Variants in ZNF19 observed in about 807,000 individuals in gnomAD.
ZNF19 encodes zinc finger protein 19 (KOX 12).
In ZNF19, 11 loss-of-function variants were observed where a neutral mutation model predicts 13.1. That is an observed-to-expected ratio of 0.84 (90% CI 0.53 to 1.39). The LOEUF (loss-of-function observed/expected upper bound fraction) is 1.39, where lower values mean the gene tolerates loss of function less well. Among genes scored for constraint, ZNF19 ranks in the 40% most tolerant of loss-of-function variants. The pLI is 0.00. For missense variants in ZNF19, 560 were observed against 547.0 expected, an observed-to-expected ratio of 1.02 and a Z score of -0.24; for synonymous variants, 186 against 187.0, an observed-to-expected ratio of 0.99 and a Z score of 0.04.
At position 71,475,994 on chromosome 16, in the gene ZNF19, C is replaced by T; in HGVS notation, c.553G>A (p.Gly185Arg). ...TCACTACACTCAAAAGGTTTCTCCC[C>T]AGTGTGGATTCTCTGGTGTCTAGCA... Reference protein sequence around the residue: ...YYARHQRIHTGEKPFECSECG... With the variant: ...YYARHQRIHTREKPFECSECG... Residue 185 changes from glycine to arginine, a missense_variant, in exon 6 of 6, where the codon GGG becomes AGG. Physicochemically the swap from Gly to Arg is moderately radical, Grantham distance 125. Transcript: ENST00000288177. 1.2e-6 allele frequency: 2 copies of T among 1,614,212 alleles called. No individual in the cohort carries two copies. The highest frequency in any genetic ancestry group is 1.1e-5 in the South Asian group (1 of 91,078).
At position 71,476,164 on chromosome 16, in the gene ZNF19, T is replaced by C; in HGVS notation, c.383A>G (p.Asp128Gly). The change falls in exon 6 of 6, where the codon GAC (aspartate) becomes GGC (glycine). Residue 128 changes from aspartate (D) to glycine (G), a missense_variant. Transcript: ENST00000288177. ...GQLKSVPQRT[D>G]FPETRNVEKH... ...TTCCACATTACGTGTTTCTGGGAAG[T>C]CAGTTCTCTGAGGGACACTCTTCAG... 6.2e-7 allele frequency: 1 copy of C among 1,614,198 alleles called. No individual in the cohort carries two copies. The highest frequency in any genetic ancestry group is 1.7e-5 in the Admixed American group (1 of 60,028).
intron 1 of ZNF19, among the ~76,000 whole-genome samples, chr16:71,488,242 C>G (rs1456081268): frequency 1.3e-5 from 2 of 151,864 alleles, no homozygotes; most frequent in African/African-American, 4.8e-5. Context: ...TGCCTGTAAT[C>G]CCAGCTACTC....
rs2043614852 is a variant in ZNF19, at chr16:71,478,310, T to C, written c.192A>G (p.Ser64=). 6.2e-7 allele frequency: 1 copy of C among 1,613,394 alleles called. No homozygotes were observed. The highest frequency in any genetic ancestry group is 1.7e-5 in the Admixed American group (1 of 59,986). The change falls in exon 5 of 6, where the codon TCA becomes TCG. Residue 64 remains serine, a synonymous_variant. Transcript: ENST00000288177. ...GYPVPKPALI[S]LLERGDMAWG... ...AAGCCATGTCCCCTCTCTCCAAAAGTGAGATCAGTGCAGGTTTGGGAACTG... is the reference window on the plus strand; with the variant it reads ...AAGCCATGTCCCCTCTCTCCAAAAGCGAGATCAGTGCAGGTTTGGGAACTG...
chr16:71,479,137 T>A, intron 3 of ZNF19, 132 bp from the exon 4 acceptor site: 1 of 1,196,910 alleles, frequency 8.4e-7, no homozygotes, highest in Non-Finnish European at 1.2e-6. Flanking sequence ...GTGACAGAAC[T>A]GGATATTAGA....
rs1263758493 is a variant in ZNF19, at chr16:71,479,010, A to G, written c.34-5T>C. 2 of 1,614,122 alleles carry G rather than the reference A, an allele frequency of 1.2e-6. No individual in the cohort carries two copies. Among genetic ancestry groups the G allele is most frequent in the Admixed American group, 3.3e-5 (2 of 60,026 alleles). ...ATCCTCGAAGGTCACCATCTCCTAA[A>G]ACAACAGGTTCCTGCTGCCCCAGAG... On this transcript the variant is annotated splice_region_variant and splice_polypyrimidine_tract_variant and intron_variant, in intron 3 of 5. Transcript: ENST00000288177.
In ZNF19 at chr16:71,478,271, T is replaced by G. The variant is rs747464466; in HGVS notation, c.231A>C (p.Ala77=). Residue 77 remains alanine, a synonymous_variant, in exon 5 of 6, where the codon GCA becomes GCC. Transcript: ENST00000288177. ...ERGDMAWGLE[A]QDDPPAERTK... ...TCCTCTCTGCTGGGGGATCATCCTG[T>G]GCTTCCAGGCCCCAAGCCATGTCCC... 59 of 1,614,022 alleles carry G rather than the reference T, an allele frequency of 3.7e-5. No homozygotes were observed. Among genetic ancestry groups the G allele is most frequent in the Non-Finnish European group, 4.9e-5 (58 of 1,180,030 alleles).
intron 1 of ZNF19, chr16:71,486,971 T>G (rs1476431750): frequency 2.6e-5 from 4 of 152,088 alleles, no homozygotes; most frequent in Admixed American, 2.6e-4. Context: ...AATAACTTAT[T>G]TTTGTTTTGC....
chr16:71,475,486 T>A lies in ZNF19; in HGVS notation c.1061A>T (p.Glu354Val). 1.2e-6 allele frequency: 2 copies of A among 1,614,222 alleles called. No individual in the cohort carries two copies. The highest frequency in any genetic ancestry group is 1.7e-6 in the Non-Finnish European group (2 of 1,180,026). ...ACAATCTACACAGTCAAAGGGTTTC[T>A]CCTCACTGTGAATTCTCTGGTGCCG... ...LTRHQRIHSE[E>V]KPFDCVDCGK... The change falls in exon 6 of 6, where the codon GAG (glutamate) becomes GTG (valine). Residue 354 changes from glutamate to valine, a missense_variant. Transcript: ENST00000288177.
chr16:71,475,047 T>C lies in ZNF19; in HGVS notation c.*123A>G, dbSNP rs1009014325. 12 of 1,214,396 alleles carry C rather than the reference T, an allele frequency of 9.9e-6. No homozygotes were observed. Among genetic ancestry groups the C allele is most frequent in the Admixed American group, 5.8e-5 (2 of 34,756 alleles). 75.2% of individuals were successfully genotyped at this position (1,214,396 alleles called of 1,614,324 possible). A position where few individuals can be genotyped will look rare whatever the true frequency, so the allele number is the denominator to read the frequency against. ...AATTGAACCATCTTTGGTCATCTAC[T>C]GACATCTGAATCATTAACTGTGGCT... On this transcript the variant is annotated 3_prime_UTR_variant, in exon 6 of 6. Transcript: ENST00000288177.
intron 2 of ZNF19, among the ~76,000 whole-genome samples, chr16:71,483,373 C>T (rs949415920): frequency 1.3e-5 from 2 of 152,214 alleles, no homozygotes; most frequent in South Asian, 2.1e-4. Context: ...ATGCATGATG[C>T]TGTTTTCTGC....
At chr16:71,484,502 G>A in intron 2 of ZNF19, 87 bp downstream of exon 2, 1 of 985,050 alleles carries the variant, frequency 1.0e-6, no homozygotes, top group Non-Finnish European at 1.2e-6. Flanking sequence ...CTCCACTGAG[G>A]CAGCAGGGAC....
rs540198375 is a variant in ZNF19 at position 71,474,002 on chromosome 16, C to T, written c.*1168G>A. ...ATACAACTGCTCATTCATCTGCTGA[C>T]AAGTAAGGAAGAGGTGGTGAAGCCA... is the stretch of plus-strand genomic sequence containing the variant. On this transcript the variant is annotated 3_prime_UTR_variant, in exon 6 of 6. Transcript: ENST00000288177. The T allele has an allele frequency of 6.6e-6, 1 of 152,336 alleles. No homozygotes were observed. The highest frequency in any genetic ancestry group is 2.4e-5 in the African/African-American group (1 of 41,572). 9.4% of individuals were successfully genotyped at this position (152,336 alleles called of 1,614,324 possible). A position where few individuals can be genotyped will look rare whatever the true frequency, so the allele number is the denominator to read the frequency against.
chr16:71,482,084 G>A lies in ZNF19; in HGVS notation c.31C>T (p.Gln11Ter). The change falls in exon 3 of 6, where the codon CAG (glutamine) becomes TAG (stop). Residue 11 changes from glutamine to a stop codon, truncating the protein, a stop_gained and splice_region_variant. Transcript: ENST00000288177. LOFTEE classifies it high-confidence loss of function. MAAMPLKAQY[Q>*]EMVTFEDVAV... ...GACCTCAGGGATCCACAGCTCACCT[G>A]GTATTGAGCTTTCAGAGGCATGGCT... The A allele has an allele frequency of 6.2e-7, 1 of 1,614,068 alleles. No individual in the cohort carries two copies. Among genetic ancestry groups the A allele is most frequent in the Non-Finnish European group, 8.5e-7 (1 of 1,179,944 alleles).
chr16:71,484,395 C>T (rs1462685271), intron 2 of ZNF19, among the ~76,000 whole-genome samples, 194 bp downstream of exon 2: 1 of 152,192 alleles, frequency 6.6e-6, no homozygotes, highest in Non-Finnish European at 1.5e-5. Flanking sequence ...CCCAAGGCGC[C>T]GATGCAGGCG....
chr16:71,483,668 C>T (rs1322163941), intron 2 of ZNF19, among the ~76,000 whole-genome samples: 1 of 152,228 alleles, frequency 6.6e-6, no homozygotes, highest in African/African-American at 2.4e-5. Context: ...TCGCACCGTA[C>T]TCCTTTTCCT....
chr16:71,482,236 A>G, intron 2 of ZNF19, 93 bp from the exon 3 acceptor site: 1 of 1,163,872 alleles, frequency 8.6e-7, no homozygotes. Flanking sequence ...AGCAGCATTC[A>G]CTTACTAAAT....
At chr16:71,479,150 A>G (rs2043621693) in intron 3 of ZNF19, 145 bp from the exon 4 acceptor site, 3 of 1,023,362 alleles carry the variant, frequency 2.9e-6, no homozygotes, top group African/African-American at 3.2e-5. Flanking sequence ...ATATTAGACC[A>G]TTATATGACT....
Position 71,476,149 on chromosome 16 carries a change from CG to C in ZNF19, c.397del (p.Arg133ValfsTer12). 1.2e-6 allele frequency: 2 copies of C among 1,614,134 alleles called. No homozygotes were observed. The highest frequency in any genetic ancestry group is 1.7e-6 in the Non-Finnish European group (2 of 1,180,000). On this transcript the variant is annotated frameshift_variant, in exon 6 of 6. Transcript: ENST00000288177. LOFTEE classifies it low-confidence loss of function (END_TRUNC). ...GATGTCCTGGTGCTTTTCCACATTACGTGTTTCTGGGAAGTCAGTTCTCTGA... is the reference window on the plus strand; with the variant it reads ...GATGTCCTGGTGCTTTTCCACATTACTGTTTCTGGGAAGTCAGTTCTCTGA... ...VPQRTDFPET[R>X]NVEKHQDIPT...
chr16:71,482,259 A>C, intron 2 of ZNF19, 116 bp from the exon 3 acceptor site: 1 of 844,152 alleles, frequency 1.2e-6, no homozygotes, highest in South Asian at 1.5e-5. Flanking sequence ...TCACTGGGTT[A>C]GTGGTGCATA....
Sources: allele counts gnomAD v4.1 joint callset (sites outside exome capture counted in the v4.1 genomes callset), GRCh38; gene constraint gnomAD v4.1.1; transcripts MANE v1.5; gene names NCBI Gene and HGNC (gene_info 2026-07-23, HGNC 2026-07-21).